The following NPFFR1 variants were observed in gnomAD, a reference collection of about 807,000 sequenced individuals.
The protein encoded by NPFFR1 is G-protein coupled receptor 147.
A neutral mutation model predicts 12.7 loss-of-function variants in NPFFR1; 17 were observed. The observed-to-expected ratio is 1.34, with a 90% CI of 0.92 to 2.01. The LOEUF (loss-of-function observed/expected upper bound fraction) is 2.01, where lower values mean the gene tolerates loss of function less well. Ranked by LOEUF, NPFFR1 falls within the 30% of genes most tolerant of loss-of-function variation. The pLI is 0.00. For missense variants in NPFFR1, 604 were observed against 606.5 expected, an observed-to-expected ratio of 1.00 and a Z score of 0.04; for synonymous variants, 296 against 264.5, an observed-to-expected ratio of 1.12 and a Z score of -1.16.
intron 1 of NPFFR1, among the ~76,000 whole-genome samples, chr10:70,278,124 A>G (rs562698747): frequency 1.3e-5 from 2 of 152,262 alleles, no homozygotes; most frequent in South Asian, 4.2e-4. Flanking sequence ...CCTGAGGTTG[A>G]GTTGAGTTGT....
At chr10:70,270,939 C>T (rs1840738791) in intron 1 of NPFFR1, among the ~76,000 whole-genome samples, 5 of 152,256 alleles carry the variant, frequency 3.3e-5, no homozygotes, top group Admixed American at 2.6e-4. Flanking sequence ...GGGGTCCCGA[C>T]CAGCAGTGTC....
chr10:70,265,086 G>A (rs1043635544), intron 2 of NPFFR1, among the ~76,000 whole-genome samples: 9 of 152,196 alleles, frequency 5.9e-5, no homozygotes, highest in African/African-American at 1.9e-4. Flanking sequence ...AGTGGGTAAC[G>A]GTTCCACCAG....
chr10:70,280,811 G>A (rs1840853555), intron 1 of NPFFR1, among the ~76,000 whole-genome samples: 1 of 152,134 alleles, frequency 6.6e-6, no homozygotes, highest in African/African-American at 2.4e-5. Flanking sequence ...AGACCAGCCT[G>A]GCCAACATGG....
At chr10:70,266,648 C>T (rs1379193380) in intron 1 of NPFFR1, among the ~76,000 whole-genome samples, 1 of 152,206 alleles carries the variant, frequency 6.6e-6, no homozygotes, top group African/African-American at 2.4e-5. Context: ...TTAACTCCCC[C>T]ATCCCATTTA....
rs534132551 is a variant in NPFFR1 at position 70,257,956 on chromosome 10, CAG to C, written c.423-2131_423-2130del. On this transcript the variant is annotated intron_variant, in intron 3 of 3. Transcript: ENST00000277942. ...ATTATGACATAGATTCTATTGCTCA[CAG>C]GTTTGTTACTGACCTTCTCCTTATT... Among the ~76,000 whole-genome samples, 69 of 152,294 alleles carry C rather than the reference CAG, an allele frequency of 4.5e-4. 1 individual carries two copies. In the South Asian group the frequency reaches 0.012, roughly 26 times the overall value.
intron 3 of NPFFR1, among the ~76,000 whole-genome samples, chr10:70,259,352 C>G (rs1255412602): frequency 6.6e-6 from 1 of 151,768 alleles, no homozygotes; most frequent in African/African-American, 2.4e-5. Context: ...ATTCTTAAAG[C>G]CTGTAGTGCT....
At chr10:70,278,576 G>C (rs113788609) in intron 1 of NPFFR1, among the ~76,000 whole-genome samples, 4 of 152,098 alleles carry the variant, frequency 2.6e-5, no homozygotes, top group African/African-American at 9.7e-5. Flanking sequence ...TCATATCAGG[G>C]TTGGAGTTCT....
chr10:70,265,653 G>A (rs576659004), intron 2 of NPFFR1, among the ~76,000 whole-genome samples: 83 of 152,336 alleles, frequency 5.4e-4, no homozygotes, highest in African/African-American at 1.6e-3. Context: ...TGCGAGCTCC[G>A]TGAGAGAGTG....
intron 1 of NPFFR1, among the ~76,000 whole-genome samples, chr10:70,267,208 AC>A (rs1840703113): frequency 6.6e-6 from 1 of 152,156 alleles, no homozygotes; most frequent in Non-Finnish European, 1.5e-5. Flanking sequence ...ATGAAGGGGA[AC>A]TGTGAACCAG....
chr10:70,272,150 A>AAAGG (rs749140288), intron 1 of NPFFR1, among the ~76,000 whole-genome samples: 1,587 of 30,094 alleles, frequency 0.053, 18 homozygotes, highest in Middle Eastern at 0.07. Flanking sequence ...AGAGAAAGGG[A>AAAGG]GAGAGAGAGA....
rs772783728 is a variant in NPFFR1 at position 70,255,429 on chromosome 10, A to G, written c.821T>C (p.Met274Thr). Residue 274 changes from methionine (M) to threonine (T), a missense_variant, in exon 4 of 4, where the codon ATG (methionine) becomes ACG (threonine). By Grantham distance (81) the Met-to-Thr change is moderately conservative. Transcript: ENST00000277942. This position sits in a 1 kb window ranked among gnomAD's most constrained non-coding sequence, Gnocchi z 4.2. ...GGACAGCGTGAAGAACAGCGCCACC[A>G]TGACCAGCATGTGCACCACGCGCGC... ...RRARVVHMLVMVALFFTLSWL... is the reference protein window; with the variant it reads ...RRARVVHMLVTVALFFTLSWL... 1.6e-5 allele frequency: 24 copies of G among 1,547,048 alleles called. No homozygotes were observed. Among genetic ancestry groups the G allele is most frequent in the Non-Finnish European group, 1.7e-5 (20 of 1,146,866 alleles).
At chr10:70,282,885 C>T (rs1840876800) in intron 1 of NPFFR1, among the ~76,000 whole-genome samples, 1 of 152,080 alleles carries the variant, frequency 6.6e-6, no homozygotes. Flanking sequence ...GTCCGCTATC[C>T]CTTAAAATCC....
intron 1 of NPFFR1, among the ~76,000 whole-genome samples, chr10:70,281,285 A>T (rs912264547): frequency 6.6e-6 from 1 of 152,184 alleles, no homozygotes; most frequent in African/African-American, 2.4e-5. Context: ...GGGGAGGTGA[A>T]GCAGCCAACG....
At chr10:70,261,663 C>T (rs1266346450) in intron 2 of NPFFR1, among the ~76,000 whole-genome samples, 1 of 152,222 alleles carries the variant, frequency 6.6e-6, no homozygotes, top group African/African-American at 2.4e-5. Context: ...GTTCTCGACA[C>T]TGGCTGCTCA....
chr10:70,255,047 C>T lies in NPFFR1; in HGVS notation c.1203G>A (p.Leu401=), dbSNP rs759202527. Residue 401 remains leucine, a synonymous_variant, in exon 4 of 4, where the codon CTG becomes CTA. Coordinates refer to ENST00000277942, the MANE Select transcript of NPFFR1 (RefSeq NM_022146.5). This position sits in a 1 kb window ranked among gnomAD's most constrained non-coding sequence, Gnocchi z 4.2. ...SGAPRPGRLP[L]RNGRVAHHGL... ...CGTGGTGAGCCACCCGCCCATTCCG[C>T]AGCGGGAGGCGGCCGGGCCTGGGGG... is the stretch of plus-strand genomic sequence containing the variant. The T allele has an allele frequency of 8.3e-6, 12 of 1,438,782 alleles. No individual in the cohort carries two copies. The South Asian group carries it at 1.5e-4, about 18-fold the overall frequency. The allele number at this position is 1,438,782 out of a possible 1,614,324, so 89.1% of individuals were successfully genotyped here.
intron 3 of NPFFR1, among the ~76,000 whole-genome samples, chr10:70,257,303 T>C (rs1294898217): frequency 6.6e-6 from 1 of 152,214 alleles, no homozygotes; most frequent in African/African-American, 2.4e-5. Flanking sequence ...TTTGCTGAGA[T>C]GTTGTTAATT....
Position 70,269,039 on chromosome 10 carries a change from A to G in NPFFR1, c.8-2648T>C, listed in dbSNP as rs1187628432. On this transcript the variant is annotated intron_variant, in intron 1 of 3. Coordinates refer to ENST00000277942, the MANE Select transcript of NPFFR1 (RefSeq NM_022146.5). ...TTCCCTTCTGCAGTATGTTTGTCAT[A>G]TGGACTGAGTGGTTGGTCTGTAGCA... Among the ~76,000 whole-genome samples the G allele has an allele frequency of 3.9e-5, 6 of 152,252 alleles. 1 individual carries two copies. The East Asian group carries it at 9.7e-4, about 25-fold the overall frequency.
chr10:70,264,345 G>C (rs1020985214), intron 2 of NPFFR1, among the ~76,000 whole-genome samples: 7 of 114,400 alleles, frequency 6.1e-5, no homozygotes, highest in African/African-American at 2.1e-4. Context: ...CTGCATTCCA[G>C]CCCGGGTGAC....
intron 1 of NPFFR1, among the ~76,000 whole-genome samples, chr10:70,273,296 T>G (rs1212913200): frequency 1.3e-5 from 2 of 152,184 alleles, no homozygotes; most frequent in South Asian, 2.1e-4. Context: ...TGAGAACCAC[T>G]GAACCATACA....
Sources: gnomAD v4.1 joint callset for allele counts (sites outside exome capture counted in the v4.1 genomes callset) on GRCh38, gnomAD v4.1.1 for gene constraint, Gnocchi (gnomAD v3.1) non-coding constraint, MANE v1.5 for transcripts, NCBI Gene and HGNC (gene_info 2026-07-23, HGNC 2026-07-21) for gene names.